The following ZCCHC10 variants were observed in gnomAD, a reference collection of about 807,000 sequenced individuals.
ZCCHC10 encodes zinc finger CCHC-type containing 10.
ZCCHC10 carries 16 observed loss-of-function variants against 19.5 expected under a neutral mutation model. That is an observed-to-expected ratio of 0.82 (90% CI 0.56 to 1.25). The LOEUF is 1.25. ZCCHC10 is among the 50% of genes most tolerant of loss of function. The probability of loss-of-function intolerance (pLI) is 0.00; values close to 1 mark genes in which losing one functional copy is unlikely to be tolerated. For synonymous variants in ZCCHC10, 67 were observed against 72.5 expected (o/e 0.92, Z 0.38); for missense variants, 197 against 201.0 (o/e 0.98, Z 0.12).
At chr5:133,023,849 A>G (rs1218441565) in intron 1 of ZCCHC10, among the ~76,000 whole-genome samples, 2 of 152,152 alleles carry the variant, frequency 1.3e-5, no homozygotes, top group Non-Finnish European at 2.9e-5. Context: ...GTTGTTATGT[A>G]AGTAATATAT....
chr5:133,017,125 G>A (rs920947282), intron 2 of ZCCHC10, among the ~76,000 whole-genome samples: 1 of 152,070 alleles, frequency 6.6e-6, no homozygotes, highest in Non-Finnish European at 1.5e-5. Flanking sequence ...CTTTGACCCA[G>A]CTTGGGATCT....
At chr5:133,025,524 A>G (rs1427677105) in intron 1 of ZCCHC10, among the ~76,000 whole-genome samples, 2 of 148,608 alleles carry the variant, frequency 1.3e-5, no homozygotes, top group Non-Finnish European at 1.5e-5. Flanking sequence ...AAAAAAAAAA[A>G]AAAAAAAAAG....
At chr5:133,013,177 G>C (rs1381699931) in intron 2 of ZCCHC10, among the ~76,000 whole-genome samples, 2 of 148,576 alleles carry the variant, frequency 1.3e-5, no homozygotes, top group Non-Finnish European at 3.0e-5. Context: ...AGAATTGCTT[G>C]AACCCGAGAG....
intron 3 of ZCCHC10, among the ~76,000 whole-genome samples, chr5:133,001,115 C>T (rs573635028): frequency 5.3e-4 from 80 of 151,774 alleles, no homozygotes; most frequent in Non-Finnish European, 1.0e-3. Context: ...AGGCCAGGTG[C>T]GGTGGCTCAC....
intron 2 of ZCCHC10, among the ~76,000 whole-genome samples, chr5:133,017,498 C>G (rs1417324186): frequency 6.6e-6 from 1 of 151,920 alleles, no homozygotes; most frequent in Admixed American, 6.6e-5. Flanking sequence ...GCCTCTCAAG[C>G]AGCTGGGACC....
Position 133,006,901 on chromosome 5 carries a change from C to A in ZCCHC10, c.127G>T (p.Val43Leu). ...AATTCCAAGCATTTCTGACATCTTA[C>A]ATGTTGCTTATTTGCTTCACTACAG... is the stretch of plus-strand genomic sequence containing the variant. ...IVISEANKQH[V>L]RCQKCLEFGH... Residue 43 changes from valine to leucine, a missense_variant, in exon 3 of 5, where the codon GTA becomes TTA. Physicochemically the swap from Val to Leu is conservative, Grantham distance 32. Transcript: ENST00000509437. 1 of 1,609,088 alleles carries A rather than the reference C, an allele frequency of 6.2e-7. No homozygotes were observed. The highest frequency in any genetic ancestry group is 8.5e-7 in the Non-Finnish European group (1 of 1,178,342).
intron 2 of ZCCHC10, among the ~76,000 whole-genome samples, chr5:133,010,520 T>A (rs921541551): frequency 6.6e-6 from 1 of 152,174 alleles, no homozygotes. Context: ...TCTTAGCTTA[T>A]GAGCCTCCAA....
chr5:133,000,731 C>T (rs970358172), intron 3 of ZCCHC10, among the ~76,000 whole-genome samples: 31 of 151,656 alleles, frequency 2.0e-4, no homozygotes, highest in African/African-American at 5.1e-4. Context: ...CAACCTCCGC[C>T]TCCTGGGTTC....
At chr5:133,012,136 C>CAAAAAA (rs1172354725) in intron 2 of ZCCHC10, among the ~76,000 whole-genome samples, 24 of 74,534 alleles carry the variant, frequency 3.2e-4, no homozygotes, top group Non-Finnish European at 5.4e-4. Context: ...GCCTCCATCT[C>CAAAAAA]AAAAAAAAAA....
chr5:132,997,972 T>C lies in ZCCHC10; in HGVS notation c.*611A>G, dbSNP rs1183482784. ...CTCAGAAAAGGATAACTTGAAAAAC[T>C]TAAGGAACCAGAAGAAAATGAATGA... is the stretch of plus-strand genomic sequence containing the variant. On this transcript the variant is annotated 3_prime_UTR_variant, in exon 5 of 5. Transcript: ENST00000509437. 2 of 152,122 alleles carry C rather than the reference T, an allele frequency of 1.3e-5. No homozygotes were observed. Among genetic ancestry groups the C allele is most frequent in the Non-Finnish European group, 2.9e-5 (2 of 68,020 alleles). 9.4% of individuals were successfully genotyped at this position (152,122 alleles called of 1,614,324 possible). A position where few individuals can be genotyped will look rare whatever the true frequency, so the allele number is the denominator to read the frequency against.
At position 133,026,548 on chromosome 5, in the gene ZCCHC10, T is replaced by A. The variant is rs779522556; in HGVS notation, c.-11A>T. The A allele has an allele frequency of 6.2e-7, 1 of 1,613,126 alleles. No homozygotes were observed. The highest frequency in any genetic ancestry group is 1.1e-5 in the South Asian group (1 of 90,904). ...CATGGGAGTCGCCATCTTAGCGCGGTCAAAGCCGGCCGCGCAGGGTTTTGG... is the reference window on the plus strand; with the variant it reads ...CATGGGAGTCGCCATCTTAGCGCGGACAAAGCCGGCCGCGCAGGGTTTTGG... On this transcript the variant is annotated 5_prime_UTR_variant, in exon 1 of 5. Transcript: ENST00000509437.
intron 2 of ZCCHC10, among the ~76,000 whole-genome samples, chr5:133,015,628 C>T (rs1263363694): frequency 6.6e-6 from 1 of 152,104 alleles, no homozygotes; most frequent in East Asian, 1.9e-4. Flanking sequence ...CTGTCAATAG[C>T]CATGTAAGTG....
In ZCCHC10 at chr5:132,998,254, A is replaced by G; in HGVS notation, c.*329T>C. 4.5e-6 allele frequency: 1 copy of G among 223,676 alleles called. No homozygotes were observed. The highest frequency in any genetic ancestry group is 6.7e-5 in the South Asian group (1 of 14,954). 13.9% of individuals were successfully genotyped at this position (223,676 alleles called of 1,614,324 possible). A position where few individuals can be genotyped will look rare whatever the true frequency, so the allele number is the denominator to read the frequency against. On this transcript the variant is annotated 3_prime_UTR_variant, in exon 5 of 5. Coordinates refer to ENST00000509437, the MANE Select transcript of ZCCHC10 (RefSeq NM_001300816.3). ...ACCATCCTGAAAATATGTCTGATACATACCACTAACATATATAACAAAGTA... is the reference window on the plus strand; with the variant it reads ...ACCATCCTGAAAATATGTCTGATACGTACCACTAACATATATAACAAAGTA...
intron 4 of ZCCHC10, 22 bp from the exon 5 acceptor site, chr5:132,998,872 T>TTGTCTA (rs1437400353): frequency 6.2e-7 from 1 of 1,601,100 alleles, no homozygotes; most frequent in East Asian, 2.2e-5. Context: ...TACAGAGTTA[T>TTGTCTA]ATACATGGGA....
At chr5:133,001,942 A>C (rs1762798902) in intron 3 of ZCCHC10, among the ~76,000 whole-genome samples, 1 of 150,938 alleles carries the variant, frequency 6.6e-6, no homozygotes, top group South Asian at 2.1e-4. Flanking sequence ...ACTGAATCAA[A>C]ATTCAGCAAT....
intron 3 of ZCCHC10, among the ~76,000 whole-genome samples, chr5:133,004,550 C>G (rs987364313): frequency 6.6e-6 from 1 of 151,822 alleles, no homozygotes; most frequent in Admixed American, 6.6e-5. Flanking sequence ...TGCAGTGGCG[C>G]GATCTCGGCT....
chr5:133,023,142 C>T lies in ZCCHC10; in HGVS notation c.42-236G>A, dbSNP rs549646159. ...AAACTTTTAGATAGATTTGAAAACA[C>T]AACAGGCCACTTCAGGAGGTAAGTA... On this transcript the variant is annotated intron_variant, in intron 1 of 4. Coordinates refer to ENST00000509437, the MANE Select transcript of ZCCHC10 (RefSeq NM_001300816.3). 2.0e-5 allele frequency among the ~76,000 whole-genome samples: 3 copies of T among 152,216 alleles called. No individual in the cohort carries two copies. In the East Asian group the frequency reaches 5.8e-4, roughly 29 times the overall value.
chr5:133,001,953 C>CTTTTTT (rs34331639), intron 3 of ZCCHC10, among the ~76,000 whole-genome samples: 8 of 77,844 alleles, frequency 1.0e-4, no homozygotes, highest in Non-Finnish European at 1.8e-4. Context: ...ATTCAGCAAT[C>CTTTTTT]TTTTTTTTTT....
chr5:133,024,330 AT>A (rs1253819681), intron 1 of ZCCHC10, among the ~76,000 whole-genome samples: 1 of 152,080 alleles, frequency 6.6e-6, no homozygotes, highest in Non-Finnish European at 1.5e-5. Flanking sequence ...GGAGAATAAG[AT>A]CTCTAAATCA....
Sources: allele counts gnomAD v4.1 joint callset (sites outside exome capture counted in the v4.1 genomes callset), GRCh38; gene constraint gnomAD v4.1.1; transcripts MANE v1.5; gene names NCBI Gene and HGNC (gene_info 2026-07-23, HGNC 2026-07-21).